The following FRMD4B variants were observed in gnomAD, a reference collection of about 807,000 sequenced individuals.
FRMD4B encodes FERM domain-containing protein 4B.
Under a neutral mutation model 141.5 loss-of-function variants are expected in FRMD4B, and 74 were observed. That is an observed-to-expected ratio of 0.52 (90% CI 0.43 to 0.63). The LOEUF (loss-of-function observed/expected upper bound fraction) is 0.63, where lower values mean the gene tolerates loss of function less well. Among genes scored for constraint, FRMD4B ranks in the 30% least tolerant of loss-of-function variants. FRMD4B has a pLI of 0.00. For synonymous variants in FRMD4B, 506 were observed against 467.9 expected, an observed-to-expected ratio of 1.08 and a Z score of -1.05; for missense variants, 1,366 against 1,253.4, an observed-to-expected ratio of 1.09 and a Z score of -1.36.
chr3:69,352,023 T>C (rs936023743), intron 1 of FRMD4B, among the ~76,000 whole-genome samples: 3 of 152,160 alleles, frequency 2.0e-5, no homozygotes, highest in African/African-American at 7.2e-5. Context: ...TAGTAACAAC[T>C]TCCCTGCATA....
chr3:69,369,289 CAT>C (rs1703759957), intron 1 of FRMD4B, among the ~76,000 whole-genome samples: 2 of 152,042 alleles, frequency 1.3e-5, no homozygotes, highest in Admixed American at 1.3e-4. Context: ...AGTATGCACA[CAT>C]ATTTATTTCT....
chr3:69,338,320 G>C (rs188647773), intron 1 of FRMD4B, among the ~76,000 whole-genome samples: 4 of 152,164 alleles, frequency 2.6e-5, no homozygotes, highest in Admixed American at 1.3e-4. Context: ...GTGGGGAGAG[G>C]GGGGAGGGAT....
intron 1 of FRMD4B, among the ~76,000 whole-genome samples, chr3:69,511,849 C>T (rs1162487469): frequency 6.6e-6 from 1 of 152,162 alleles, no homozygotes; most frequent in Non-Finnish European, 1.5e-5. Flanking sequence ...GGTGTTTTCC[C>T]TCGTATGTCC....
At position 69,176,586 on chromosome 3, in the gene FRMD4B, T is replaced by C. The variant is rs770187956; in HGVS notation, c.2922A>G (p.Pro974=). 6.2e-7 allele frequency: 1 copy of C among 1,609,114 alleles called. No individual in the cohort carries two copies. Among genetic ancestry groups the C allele is most frequent in the Non-Finnish European group, 8.5e-7 (1 of 1,175,416 alleles). Residue 974 remains proline, a synonymous_variant, in exon 22 of 23, where the codon CCA becomes CCG. Coordinates refer to ENST00000398540, the MANE Select transcript of FRMD4B (RefSeq NM_015123.3). ...AGCAGCTGGTGTAAGAAGAATGTGC[T>C]GGAGTCTCGTAATCCGACAGCCCTA... ...LTIGLSDYET[P]AHSSYTSCYG...
At chr3:69,373,480 G>C (rs927239670) in intron 1 of FRMD4B, among the ~76,000 whole-genome samples, 2 of 152,158 alleles carry the variant, frequency 1.3e-5, no homozygotes, top group African/African-American at 4.8e-5. Flanking sequence ...TGCCAAATGA[G>C]TTTAATTATA....
At chr3:69,251,277 C>A (rs1246404515) in intron 5 of FRMD4B, among the ~76,000 whole-genome samples, 1 of 152,120 alleles carries the variant, frequency 6.6e-6, no homozygotes, top group South Asian at 2.1e-4. Flanking sequence ...CCTTCCACCT[C>A]TTGAATCTGA....
chr3:69,375,257 A>C (rs1703939913), intron 1 of FRMD4B, among the ~76,000 whole-genome samples: 1 of 10,072 alleles, frequency 9.9e-5, no homozygotes, highest in Non-Finnish European at 2.6e-4. Flanking sequence ...CCATCCATCC[A>C]CCCCATCCCA....
intron 5 of FRMD4B, among the ~76,000 whole-genome samples, chr3:69,254,797 G>A (rs995666957): frequency 3.9e-5 from 6 of 152,284 alleles, no homozygotes; most frequent in Admixed American, 3.9e-4. Flanking sequence ...GGTGGAAAGA[G>A]ATGTGAGAAT....
intron 1 of FRMD4B, among the ~76,000 whole-genome samples, chr3:69,534,940 A>G (rs562789630): frequency 6.6e-6 from 1 of 151,788 alleles, no homozygotes; most frequent in East Asian, 1.9e-4. Context: ...AATAATATGA[A>G]TTATTATTTT....
chr3:69,280,986 G>T (rs1030604042), intron 5 of FRMD4B, among the ~76,000 whole-genome samples: 3 of 149,556 alleles, frequency 2.0e-5, no homozygotes, highest in Non-Finnish European at 3.0e-5. Flanking sequence ...GCTGGAGTGC[G>T]ATGGTGCGAT....
chr3:69,318,634 T>G (rs947266762), intron 1 of FRMD4B, among the ~76,000 whole-genome samples: 1 of 152,222 alleles, frequency 6.6e-6, no homozygotes, highest in Non-Finnish European at 1.5e-5. Context: ...GGGGGCTGAT[T>G]TGATGCTCGC....
chr3:69,186,589 G>A (rs1160792821), intron 19 of FRMD4B, among the ~76,000 whole-genome samples: 2 of 152,212 alleles, frequency 1.3e-5, no homozygotes, highest in East Asian at 3.9e-4. Flanking sequence ...GCGCGTGCCT[G>A]TAATTCCAGC....
chr3:69,483,918 T>G (rs898409857), intron 1 of FRMD4B, among the ~76,000 whole-genome samples: 32 of 151,926 alleles, frequency 2.1e-4, no homozygotes, highest in Non-Finnish European at 4.6e-4. Flanking sequence ...CTCAGTGAGG[T>G]TTTTGTCGGT....
intron 1 of FRMD4B, among the ~76,000 whole-genome samples, chr3:69,490,138 T>C (rs796733668): frequency 1.6e-4 from 24 of 152,262 alleles, no homozygotes; most frequent in African/African-American, 4.6e-4. Flanking sequence ...TATTCCAAAG[T>C]AAGATTATGG....
chr3:69,209,984 A>T (rs2093060005), intron 11 of FRMD4B, among the ~76,000 whole-genome samples: 1 of 152,222 alleles, frequency 6.6e-6, no homozygotes, highest in African/African-American at 2.4e-5. Context: ...TAAATAAAAT[A>T]ACCTTGTAGT....
At chr3:69,221,138 T>C (rs899863932) in intron 9 of FRMD4B, among the ~76,000 whole-genome samples, 3 of 151,996 alleles carry the variant, frequency 2.0e-5, no homozygotes, top group African/African-American at 4.8e-5. Context: ...AATTTTTGTA[T>C]TTTTAGTGGA....
intron 1 of FRMD4B, among the ~76,000 whole-genome samples, chr3:69,516,193 C>G (rs879454434): frequency 6.6e-5 from 10 of 152,040 alleles, no homozygotes; most frequent in Admixed American, 2.0e-4. Context: ...TTACTGCACT[C>G]TACTGTGGGC....
At chr3:69,493,840 TAC>T (rs1553647447) in intron 1 of FRMD4B, among the ~76,000 whole-genome samples, 3 of 152,198 alleles carry the variant, frequency 2.0e-5, no homozygotes, top group Non-Finnish European at 4.4e-5. Context: ...AGGAGTATGA[TAC>T]GTTTTGTCAT....
chr3:69,507,387 TTG>T (rs142024418), intron 1 of FRMD4B, among the ~76,000 whole-genome samples: 91 of 151,490 alleles, frequency 6.0e-4, no homozygotes, highest in African/African-American at 1.1e-3. Context: ...ATGTGTAAGT[TTG>T]TGTGTGTGTG....
Sources: gnomAD v4.1 joint callset for allele counts (sites outside exome capture counted in the v4.1 genomes callset) on GRCh38, gnomAD v4.1.1 for gene constraint, MANE v1.5 for transcripts, NCBI Gene and HGNC (gene_info 2026-07-23, HGNC 2026-07-21) for gene names.